EHBP1: variants seen among roughly 807,000 people sequenced by gnomAD.
EHBP1 encodes EH domain-binding protein 1.
In EHBP1, 55 loss-of-function variants were observed where a neutral mutation model predicts 144.0. That is an observed-to-expected ratio of 0.38 (90% CI 0.31 to 0.48). The LOEUF (loss-of-function observed/expected upper bound fraction) is 0.48. Among genes scored for constraint, EHBP1 ranks in the 20% least tolerant of loss-of-function variants. The pLI, the probability that EHBP1 is intolerant of heterozygous loss-of-function variation, is 0.98. For synonymous variants in EHBP1, 469 were observed against 472.7 expected (o/e 0.99, Z 0.10); for missense variants, 1,200 against 1,364.2 (o/e 0.88, Z 1.90).
chr2:62,893,917 C>A (rs533965226), intron 10 of EHBP1, among the ~76,000 whole-genome samples: 1 of 152,056 alleles, frequency 6.6e-6, no homozygotes, highest in African/African-American at 2.4e-5. Context: ...TGATGGTGCA[C>A]ACCTATAATC....
intron 7 of EHBP1, among the ~76,000 whole-genome samples, chr2:62,844,964 A>G (rs1306526925): frequency 2.0e-5 from 3 of 152,328 alleles, no homozygotes; most frequent in African/African-American, 7.2e-5. Context: ...CTTCACAGCA[A>G]TCTGAATACT....
intron 19 of EHBP1, among the ~76,000 whole-genome samples, chr2:63,035,352 TA>T (rs1433161572): frequency 6.6e-6 from 1 of 152,094 alleles, no homozygotes; most frequent in Non-Finnish European, 1.5e-5. Flanking sequence ...TTCTTATTGT[TA>T]GGCTTATTTC....
Position 62,806,371 on chromosome 2 carries a change from G to GT in EHBP1, c.313-19707dup, listed in dbSNP as rs564734898. Among the ~76,000 whole-genome samples, 56 of 150,088 alleles carry GT rather than the reference G, an allele frequency of 3.7e-4. 1 individual carries two copies. Among genetic ancestry groups the GT allele is most frequent in the Middle Eastern group, 6.8e-3 (2 of 292 alleles). Reference sequence around the variant, plus strand: ...CTTTTTGTGGTTTTTCGTTTGGTTTGTTTTTTTTTGTTTTTTTGAGGCGGA... The same window carrying GT: ...CTTTTTGTGGTTTTTCGTTTGGTTTGTTTTTTTTTTGTTTTTTTGAGGCGGA... On this transcript the variant is annotated intron_variant, in intron 5 of 22. Coordinates refer to ENST00000431489, the MANE Select transcript of EHBP1 (RefSeq NM_001142616.3).
intron 7 of EHBP1, among the ~76,000 whole-genome samples, chr2:62,836,386 TG>T (rs1452953118): frequency 7.4e-6 from 1 of 134,494 alleles, no homozygotes; most frequent in Non-Finnish European, 1.6e-5. Flanking sequence ...ACCACAAAGA[TG>T]GGGAAAAAAC....
At chr2:62,932,675 T>G (rs1196580359) in intron 10 of EHBP1, among the ~76,000 whole-genome samples, 1 of 152,068 alleles carries the variant, frequency 6.6e-6, no homozygotes, top group Non-Finnish European at 1.5e-5. Context: ...GGTTAAGGGC[T>G]GGGCATGGTG....
At chr2:62,881,306 T>C (rs2051394255) in intron 10 of EHBP1, among the ~76,000 whole-genome samples, 1 of 151,640 alleles carries the variant, frequency 6.6e-6, no homozygotes, top group African/African-American at 2.4e-5. Flanking sequence ...TGTTTTTTAC[T>C]TGGGTGATGA....
At chr2:62,844,757 T>C (rs2048173113) in intron 7 of EHBP1, among the ~76,000 whole-genome samples, 1 of 152,152 alleles carries the variant, frequency 6.6e-6, no homozygotes, top group African/African-American at 2.4e-5. Context: ...ACTCAGACAT[T>C]ATGAGGCTCC....
At chr2:62,743,234 C>T (rs550374166) in intron 2 of EHBP1, among the ~76,000 whole-genome samples, 1 of 152,134 alleles carries the variant, frequency 6.6e-6, no homozygotes, top group African/African-American at 2.4e-5. Flanking sequence ...ATTAGTCCCT[C>T]ATCTTTTTTT....
chr2:62,929,443 A>G (rs964375894), intron 10 of EHBP1, among the ~76,000 whole-genome samples: 1 of 152,204 alleles, frequency 6.6e-6, no homozygotes, highest in Non-Finnish European at 1.5e-5. Flanking sequence ...AGTGTAATAC[A>G]CTACATTAGC....
intron 10 of EHBP1, among the ~76,000 whole-genome samples, chr2:62,889,378 G>T (rs2152905719): frequency 6.6e-6 from 1 of 151,732 alleles, no homozygotes; most frequent in Admixed American, 6.6e-5. Context: ...AGTTTCTTTT[G>T]CTGTGCAGAA....
chr2:62,841,570 A>T (rs573355295), intron 7 of EHBP1, among the ~76,000 whole-genome samples: 1 of 152,146 alleles, frequency 6.6e-6, no homozygotes, highest in South Asian at 2.1e-4. Flanking sequence ...TCTCTTCTTT[A>T]TTTAAACCCT....
At position 62,747,449 on chromosome 2, in the gene EHBP1, T is replaced by C. The variant is rs2039266415; in HGVS notation, c.159T>C (p.Ser53=). The C allele has an allele frequency of 3.7e-6, 6 of 1,606,454 alleles. No homozygotes were observed. Among genetic ancestry groups the C allele is most frequent in the Non-Finnish European group, 5.1e-6 (6 of 1,176,024 alleles). The change falls in exon 3 of 23, where the codon TCT becomes TCC. Residue 53 remains serine, a synonymous_variant. Coordinates refer to ENST00000431489, the MANE Select transcript of EHBP1 (RefSeq NM_001142616.3). ...VWTRRSRRKS[S]KAHSWQPGIK... ...CCAGAAGAAGCCGAAGGAAGTCTTC[T>C]AAGGTTAGTGTATTTTCTAAATTTC...
chr2:63,021,304 G>T (rs1442230020), intron 19 of EHBP1, among the ~76,000 whole-genome samples: 2 of 152,046 alleles, frequency 1.3e-5, no homozygotes, highest in African/African-American at 2.4e-5. Flanking sequence ...TAAGGCTAGA[G>T]AATTATTTTT....
chr2:62,914,601 G>T (rs2054465087), intron 10 of EHBP1, among the ~76,000 whole-genome samples: 1 of 152,122 alleles, frequency 6.6e-6, no homozygotes, highest in Admixed American at 6.5e-5. Flanking sequence ...TATTTAGTGA[G>T]CAAAAGGACT....
intron 10 of EHBP1, among the ~76,000 whole-genome samples, chr2:62,932,508 AT>A (rs1322060936): frequency 5.1e-4 from 78 of 152,330 alleles, no homozygotes; most frequent in Non-Finnish European, 3.1e-4. Flanking sequence ...CTTATATGAA[AT>A]CAAGATCACA....
intron 1 of EHBP1, among the ~76,000 whole-genome samples, chr2:62,697,816 T>C (rs1473968178): frequency 1.3e-5 from 2 of 152,196 alleles, no homozygotes; most frequent in East Asian, 3.8e-4. Context: ...CAACTGAAAG[T>C]TAATAAGATA....
chr2:62,933,095 A>G (rs540028427), intron 10 of EHBP1, among the ~76,000 whole-genome samples: 34 of 152,016 alleles, frequency 2.2e-4, no homozygotes, highest in Middle Eastern at 3.4e-3. Context: ...AATATTAGAA[A>G]TTAACACTGA....
At chr2:62,960,399 T>A (rs1267032172) in intron 14 of EHBP1, among the ~76,000 whole-genome samples, 1 of 152,168 alleles carries the variant, frequency 6.6e-6, no homozygotes. Context: ...CCTTATTAGT[T>A]TCTAGTGAAA....
intron 10 of EHBP1, among the ~76,000 whole-genome samples, chr2:62,882,159 G>A (rs1031085474): frequency 7.9e-5 from 12 of 152,090 alleles, no homozygotes; most frequent in African/African-American, 2.7e-4. Context: ...TTATTTGTTT[G>A]CCTGTATTTT....
Sources: gnomAD v4.1 joint callset for allele counts (sites outside exome capture counted in the v4.1 genomes callset) on GRCh38, gnomAD v4.1.1 for gene constraint, MANE v1.5 for transcripts, NCBI Gene and HGNC (gene_info 2026-07-23, HGNC 2026-07-21) for gene names.